The following RANBP2 variants were observed in gnomAD, a reference collection of about 807,000 sequenced individuals.
RANBP2 encodes the protein RAN binding protein 2.
A neutral mutation model predicts 303.6 loss-of-function variants in RANBP2; 57 were observed. The observed-to-expected ratio is 0.19, with a 90% confidence interval of 0.15 to 0.23. The LOEUF is 0.23. RANBP2 is among the 10% of genes least tolerant of loss of function. RANBP2 has a pLI of 1.00. For missense variants in RANBP2, 3,138 were observed against 3,780.8 expected (o/e 0.83, Z 4.46); for synonymous variants, 1,167 against 1,301.5 (o/e 0.90, Z 2.23).
the RANBP2 span, among the ~76,000 whole-genome samples, chr2:109,536,878 G>C: frequency 1.3e-5 from 2 of 152,190 alleles, no homozygotes; most frequent in Non-Finnish European, 2.9e-5. Context: ...CCCTGCACAA[G>C]CTCTCTCTTT....
chr2:109,412,757 G>A, the RANBP2 span, among the ~76,000 whole-genome samples: 2 of 152,240 alleles, frequency 1.3e-5, no homozygotes, highest in African/African-American at 2.4e-5. Context: ...ATATTAAAGT[G>A]TAGATTAAAA....
the RANBP2 span, among the ~76,000 whole-genome samples, chr2:109,332,789 T>A: frequency 1.3e-5 from 2 of 152,124 alleles, no homozygotes; most frequent in African/African-American, 4.8e-5. Flanking sequence ...GTGTGGGTGG[T>A]GAGAAATAGG....
chr2:108,727,748 G>A (rs537775785), intron 1 of RANBP2, among the ~76,000 whole-genome samples: 15 of 152,028 alleles, frequency 9.9e-5, no homozygotes, highest in African/African-American at 3.6e-4. Context: ...GATTACAGGG[G>A]TGTGCCACCA....
the RANBP2 span, among the ~76,000 whole-genome samples, chr2:109,539,480 G>A: frequency 2.6e-5 from 4 of 151,944 alleles, no homozygotes; most frequent in Non-Finnish European, 4.4e-5. Context: ...GGCGGATTCT[G>A]TCACCCAGGC....
chr2:109,662,073 CTG>C, the RANBP2 span, among the ~76,000 whole-genome samples: 4 of 152,196 alleles, frequency 2.6e-5, no homozygotes, highest in African/African-American at 9.6e-5. Flanking sequence ...CAGACCATGA[CTG>C]AGCACAAACA....
At chr2:108,912,722 G>A in the RANBP2 span, 59 of 1,603,166 alleles carry the variant, frequency 3.7e-5, no homozygotes, top group African/African-American at 1.3e-5. Context: ...GCTGCCCGAG[G>A]TGCCAGGGAA....
At chr2:109,392,036 G>A in the RANBP2 span, among the ~76,000 whole-genome samples, 14 of 151,890 alleles carry the variant, frequency 9.2e-5, no homozygotes, top group African/African-American at 2.7e-4. Flanking sequence ...GGCTGATCTC[G>A]AACTCCTGGA....
the RANBP2 span, among the ~76,000 whole-genome samples, chr2:109,248,839 CT>C: frequency 6.8e-6 from 1 of 146,712 alleles, no homozygotes; most frequent in East Asian, 2.0e-4. Flanking sequence ...CTCTTTTCTC[CT>C]TTTCGTTTTC....
At chr2:108,737,107 G>T (rs1175662483) in intron 6 of RANBP2, among the ~76,000 whole-genome samples, 1 of 151,718 alleles carries the variant, frequency 6.6e-6, no homozygotes, top group African/African-American at 2.4e-5. Flanking sequence ...ACTGAGTGCA[G>T]GGAGTAGGTA....
the RANBP2 span, among the ~76,000 whole-genome samples, chr2:109,196,973 G>A: frequency 5.6e-4 from 85 of 152,318 alleles, no homozygotes; most frequent in Admixed American, 7.2e-4. Flanking sequence ...TGGGCACTGG[G>A]AACAGGTGCT....
At chr2:108,919,515 C>T in the RANBP2 span, among the ~76,000 whole-genome samples, 12 of 152,222 alleles carry the variant, frequency 7.9e-5, no homozygotes, top group South Asian at 1.7e-3. Flanking sequence ...GGCACCACCA[C>T]GCCCAGCTAA....
chr2:108,880,220 C>A, the RANBP2 span, among the ~76,000 whole-genome samples: 6 of 5,186 alleles, frequency 1.2e-3, no homozygotes, highest in African/African-American at 4.3e-3. Context: ...CAAACAAAAA[C>A]AAACAAAAAA....
At chr2:109,016,800 G>A in the RANBP2 span, among the ~76,000 whole-genome samples, 5 of 152,348 alleles carry the variant, frequency 3.3e-5, no homozygotes, top group East Asian at 9.6e-4. Flanking sequence ...GTTTGGGGTG[G>A]CGTTTTATTT....
the RANBP2 span, among the ~76,000 whole-genome samples, chr2:109,505,634 G>A: frequency 1.6e-4 from 24 of 152,298 alleles, no homozygotes; most frequent in Admixed American, 6.5e-4. Flanking sequence ...CTCTCCCTCC[G>A]GACAAGGCTG....
the RANBP2 span, among the ~76,000 whole-genome samples, chr2:108,960,523 G>A: frequency 1.3e-5 from 2 of 152,198 alleles, no homozygotes; most frequent in East Asian, 3.9e-4. Context: ...GTGCACACCT[G>A]TCTCTGCTGC....
chr2:109,340,422 C>T, the RANBP2 span, among the ~76,000 whole-genome samples: 1 of 152,136 alleles, frequency 6.6e-6, no homozygotes, highest in Non-Finnish European at 1.5e-5. Flanking sequence ...ATACCTCAAC[C>T]CTGAGGGTGA....
At position 108,775,731 on chromosome 2, in the gene RANBP2, G is replaced by A; in HGVS notation, c.8293-1G>A. 1 of 1,613,506 alleles carries A rather than the reference G, an allele frequency of 6.2e-7. No homozygotes were observed. Among genetic ancestry groups the A allele is most frequent in the Non-Finnish European group, 8.5e-7 (1 of 1,179,860 alleles). ...AGTATTTTGTGACTTCCTCTTTGCAGAAATCTCAGACAGAAGAAATAACTA... is the reference window on the plus strand; with the variant it reads ...AGTATTTTGTGACTTCCTCTTTGCAAAAATCTCAGACAGAAGAAATAACTA... On this transcript the variant is annotated splice_acceptor_variant, in intron 23 of 28. Coordinates refer to ENST00000283195, the MANE Select transcript of RANBP2 (RefSeq NM_006267.5). LOFTEE classifies it high-confidence loss of function.
the RANBP2 span, among the ~76,000 whole-genome samples, chr2:108,818,300 C>T: frequency 6.6e-6 from 1 of 152,102 alleles, no homozygotes; most frequent in African/African-American, 2.4e-5. Context: ...GAGTGAGACC[C>T]TGTCTGAAGA....
the RANBP2 span, among the ~76,000 whole-genome samples, chr2:109,051,664 G>C: frequency 6.6e-6 from 1 of 151,978 alleles, no homozygotes; most frequent in East Asian, 1.9e-4. Flanking sequence ...AAGAAAAGAA[G>C]GAAAAAGGGC....
Sources: allele counts gnomAD v4.1 joint callset (sites outside exome capture counted in the v4.1 genomes callset), GRCh38; gene constraint gnomAD v4.1.1; transcripts MANE v1.5; gene names NCBI Gene and HGNC (gene_info 2026-07-23, HGNC 2026-07-21).